Variants in DMD observed in about 807,000 individuals in gnomAD.
DMD encodes the protein dystrophin, also known as mutant dystrophin.
Under a neutral mutation model 330.1 loss-of-function variants are expected in DMD, and 63 were observed. The observed-to-expected ratio is 0.19, with a 90% CI of 0.16 to 0.24. The LOEUF is 0.24. Ranked by LOEUF, DMD falls within the 10% of genes least tolerant of loss-of-function variation. The pLI, the probability that DMD is intolerant of heterozygous loss-of-function variation, is 1.00. For missense variants in DMD, 3,344 were observed against 2,684.1 expected, an observed-to-expected ratio of 1.25 and a Z score of -5.43; for synonymous variants, 1,223 against 959.8, an observed-to-expected ratio of 1.27 and a Z score of -5.07.
intron 52 of DMD, among the ~76,000 whole-genome samples, chrX:31,696,724 T>C (rs1484531535): frequency 1.8e-5 from 2 of 112,112 alleles, no homozygotes; most frequent in Non-Finnish European, 3.8e-5. Flanking sequence ...GTGTGAAATA[T>C]GTGTCATTTT....
At chrX:31,429,748 A>T (rs1167700736) in intron 60 of DMD, among the ~76,000 whole-genome samples, 1 of 98,851 alleles carries the variant, frequency 1.0e-5, no homozygotes, top group Non-Finnish European at 1.9e-5. Context: ...CATGATTCAC[A>T]GGGAGGAGGG....
intron 44 of DMD, among the ~76,000 whole-genome samples, chrX:32,069,485 T>C (rs187288492): frequency 1.8e-5 from 2 of 111,878 alleles, no homozygotes; most frequent in Admixed American, 1.9e-4. Flanking sequence ...CACTGTAACT[T>C]TCTCGAAGCA....
chrX:32,511,312 A>T (rs2045283117), intron 18 of DMD, among the ~76,000 whole-genome samples: 1 of 110,007 alleles, frequency 9.1e-6, no homozygotes, highest in African/African-American at 3.3e-5. Context: ...TCACAAGGTC[A>T]GGAGATGGAG....
At chrX:32,993,348 A>C (rs749158034) in intron 2 of DMD, among the ~76,000 whole-genome samples, 1 of 111,665 alleles carries the variant, frequency 9.0e-6, no homozygotes, top group African/African-American at 3.2e-5. Context: ...TCATGCCTGT[A>C]ATCCTAGCAC....
At chrX:32,628,708 A>T (rs752730614) in intron 11 of DMD, among the ~76,000 whole-genome samples, 7 of 110,575 alleles carry the variant, frequency 6.3e-5, no homozygotes, top group Admixed American at 5.8e-4. Flanking sequence ...GGTTTTGGTT[A>T]CATTGCGTTT....
chrX:32,025,148 G>T (rs1363696885), intron 44 of DMD, among the ~76,000 whole-genome samples: 1 of 111,535 alleles, frequency 9.0e-6, no homozygotes, highest in Non-Finnish European at 1.9e-5. Context: ...AGGCAACAAA[G>T]AACATGTATA....
chrX:32,205,041 A>ACACACACCCC (rs1177814403), intron 44 of DMD, among the ~76,000 whole-genome samples: 2 of 73,607 alleles, frequency 2.7e-5, no homozygotes, highest in Admixed American at 1.5e-4. Context: ...ACACACACAC[A>ACACACACCCC]CCCACACACA....
chrX:32,864,011 CAG>C (rs1242489575), intron 2 of DMD, among the ~76,000 whole-genome samples: 1 of 112,477 alleles, frequency 8.9e-6, no homozygotes, highest in African/African-American at 3.2e-5. Flanking sequence ...TCAAAAGTCA[CAG>C]AGGATAAAAT....
At chrX:31,277,567 T>C (rs748668967) in intron 62 of DMD, among the ~76,000 whole-genome samples, 61 of 111,375 alleles carry the variant, frequency 5.5e-4, no homozygotes, top group Non-Finnish European at 9.4e-4. Context: ...AGACACTGCA[T>C]GGTGTCGACT....
chrX:32,806,196 G>A (rs1413672591), intron 7 of DMD, among the ~76,000 whole-genome samples: 5 of 111,780 alleles, frequency 4.5e-5, no homozygotes, highest in South Asian at 3.7e-4. Context: ...GCAATCTCAC[G>A]TGCAAAGACA....
At chrX:33,172,520 T>A (rs1314792010) in intron 1 of DMD, among the ~76,000 whole-genome samples, 3 of 110,409 alleles carry the variant, frequency 2.7e-5, no homozygotes, top group Non-Finnish European at 5.7e-5. Flanking sequence ...AGGAGAAAAA[T>A]CGAAACAGAG....
chrX:32,504,913 GAAAAATAAACATACC>G (rs1247456263), intron 18 of DMD, among the ~76,000 whole-genome samples: 3 of 111,448 alleles, frequency 2.7e-5, no homozygotes, highest in Non-Finnish European at 5.7e-5. Flanking sequence ...AAATAAAAAT[GAAAAATAAACATACC>G]AAAAATAAAT....
intron 59 of DMD, among the ~76,000 whole-genome samples, chrX:31,470,288 G>T (rs1364784242): frequency 4.5e-5 from 5 of 111,539 alleles, no homozygotes; most frequent in Non-Finnish European, 9.4e-5. Context: ...TTTTGTGCTG[G>T]TTTTTCCTCA....
intron 55 of DMD, among the ~76,000 whole-genome samples, chrX:31,532,110 G>A (rs1400945666): frequency 3.2e-5 from 3 of 92,843 alleles, no homozygotes; most frequent in African/African-American, 1.3e-4. Flanking sequence ...GCAGGCCAAC[G>A]TTCAGATTCA....
At chrX:32,934,073 T>C (rs2089808170) in intron 2 of DMD, among the ~76,000 whole-genome samples, 1 of 111,850 alleles carries the variant, frequency 8.9e-6, no homozygotes, top group East Asian at 2.8e-4. Flanking sequence ...ATCTAATCCC[T>C]AAGAGTTAAG....
At chrX:32,255,657 G>A (rs1410948610) in intron 43 of DMD, among the ~76,000 whole-genome samples, 2 of 111,683 alleles carry the variant, frequency 1.8e-5, no homozygotes, top group Admixed American at 1.9e-4. Context: ...TTTTATTCTC[G>A]GCCTACATAT....
intron 1 of DMD, among the ~76,000 whole-genome samples, chrX:33,183,718 C>A (rs2050110342): frequency 9.0e-6 from 1 of 111,127 alleles, no homozygotes; most frequent in South Asian, 3.8e-4. Flanking sequence ...CTTTTCCCAG[C>A]TCCTCTCCTG....
chrX:32,674,567 C>T (rs1357248889), intron 9 of DMD, among the ~76,000 whole-genome samples: 1 of 111,118 alleles, frequency 9.0e-6, no homozygotes, highest in Admixed American at 9.7e-5. Flanking sequence ...GATATGCGCT[C>T]GGTTTTTGTG....
intron 4 of DMD, among the ~76,000 whole-genome samples, chrX:32,832,205 A>T (rs1387884812): frequency 9.0e-6 from 1 of 111,459 alleles, no homozygotes; most frequent in African/African-American, 3.3e-5. Context: ...AGTCTTGGTG[A>T]TTTTAACTAG....
Sources: gnomAD v4.1 joint callset for allele counts (sites outside exome capture counted in the v4.1 genomes callset) on GRCh38, gnomAD v4.1.1 for gene constraint, MANE v1.5 for transcripts, NCBI Gene and HGNC (gene_info 2026-07-23, HGNC 2026-07-21) for gene names.